F13A1: variants seen among roughly 807,000 people sequenced by gnomAD.
The protein encoded by F13A1 is coagulation factor XIII A chain, also known as FSF, A subunit.
F13A1 carries 47 observed loss-of-function variants against 80.1 expected under a neutral mutation model. The observed-to-expected ratio is 0.59, with a 90% CI of 0.46 to 0.75. The LOEUF (loss-of-function observed/expected upper bound fraction) is 0.75, where lower values mean the gene tolerates loss of function less well. F13A1 is among the 30% of genes least tolerant of loss of function. The probability of loss-of-function intolerance (pLI) is 0.00; values close to 1 mark genes in which losing one functional copy is unlikely to be tolerated. For synonymous variants in F13A1, 349 were observed against 344.9 expected (o/e 1.01, Z -0.13); for missense variants, 817 against 930.4 (o/e 0.88, Z 1.59).
chr6:6,181,119 C>T (rs928443691), intron 11 of F13A1, among the ~76,000 whole-genome samples: 1 of 152,150 alleles, frequency 6.6e-6, no homozygotes, highest in African/African-American at 2.4e-5. Flanking sequence ...CTAAACATAC[C>T]GGGCTGCTGC....
In F13A1 at chr6:6,162,544, C is replaced by T. The variant is rs529264055; in HGVS notation, c.1908+4914G>A. Among the ~76,000 whole-genome samples, 51 of 152,198 alleles carry T rather than the reference C, an allele frequency of 3.4e-4. No homozygotes were observed. The highest frequency in any genetic ancestry group is 6.2e-4 in the Non-Finnish European group (42 of 68,042). On this transcript the variant is annotated intron_variant, in intron 13 of 14. Coordinates refer to ENST00000264870, the MANE Select transcript of F13A1 (RefSeq NM_000129.4). This position sits in a 1 kb window ranked among gnomAD's most constrained non-coding sequence, Gnocchi z 4.2. ...TTGTGATAGTTCCATTGTAGCCCAG[C>T]GGCTGCCAGCACAGGCTTCCAAGTC...
intron 3 of F13A1, among the ~76,000 whole-genome samples, chr6:6,276,375 C>T (rs9405910): frequency 0.26 from 39,446 of 151,978 alleles, 5,452 homozygotes; most frequent in South Asian, 0.39. Context: ...CCTCCTCCTC[C>T]ATGTGCCTCC....
chr6:6,182,011 G>A lies in F13A1; in HGVS notation c.1436C>T (p.Thr479Ile). 1 of 1,614,186 alleles carries A rather than the reference G, an allele frequency of 6.2e-7. No individual in the cohort carries two copies. Among genetic ancestry groups the A allele is most frequent in the Non-Finnish European group, 8.5e-7 (1 of 1,180,006 alleles). The change falls in exon 11 of 15, where the codon ACT (threonine) becomes ATT (isoleucine). Residue 479 changes from threonine (T) to isoleucine (I), a missense_variant. Transcript: ENST00000264870. The part of the protein sequence containing the change: ...QIGGDGMMDI[T>I]DTYKFQEGQE... Reference sequence around the variant, plus strand: ...ACCTTCTTGGAATTTGTAAGTATCAGTAATATCCATCATGCCATCTCCTCC... The same window carrying A: ...ACCTTCTTGGAATTTGTAAGTATCAATAATATCCATCATGCCATCTCCTCC...
intron 3 of F13A1, among the ~76,000 whole-genome samples, chr6:6,299,099 G>A (rs1413792018): frequency 2.8e-5 from 4 of 143,716 alleles, no homozygotes; most frequent in South Asian, 2.2e-4. Context: ...TGGCTTGTAG[G>A]GTTTCTGCCG....
intron 5 of F13A1, among the ~76,000 whole-genome samples, chr6:6,248,678 G>A (rs1288102241): frequency 6.6e-6 from 1 of 152,146 alleles, no homozygotes; most frequent in Non-Finnish European, 1.5e-5. Context: ...TATACTCAGG[G>A]ATCATAAGCT....
At chr6:6,287,170 A>G (rs578090167) in intron 3 of F13A1, among the ~76,000 whole-genome samples, 33 of 152,244 alleles carry the variant, frequency 2.2e-4, no homozygotes, top group African/African-American at 7.7e-4. Flanking sequence ...CTCTTTTTAG[A>G]TTAGAGACTC....
chr6:6,154,915 G>T (rs1274902264), intron 13 of F13A1, among the ~76,000 whole-genome samples: 1 of 152,096 alleles, frequency 6.6e-6, no homozygotes, highest in Non-Finnish European at 1.5e-5. Context: ...TATTCTTTCT[G>T]GAAAAAATAT....
chr6:6,306,646 A>G (rs1376495516), intron 2 of F13A1, among the ~76,000 whole-genome samples: 1 of 151,952 alleles, frequency 6.6e-6, no homozygotes, highest in Non-Finnish European at 1.5e-5. Context: ...CATTGTAAAG[A>G]GTTATTGGGG....
At chr6:6,208,554 C>G (rs752685586) in intron 8 of F13A1, among the ~76,000 whole-genome samples, 15 of 152,220 alleles carry the variant, frequency 9.9e-5, no homozygotes, top group Non-Finnish European at 1.5e-4. Flanking sequence ...TGAAAAAGTT[C>G]AAAAACTCCA....
chr6:6,288,587 G>T (rs996748140), intron 3 of F13A1, among the ~76,000 whole-genome samples: 1 of 152,088 alleles, frequency 6.6e-6, no homozygotes, highest in Non-Finnish European at 1.5e-5. Context: ...TCATATCTTG[G>T]TTATTGTGAG....
At chr6:6,267,024 A>T (rs1227996560) in intron 3 of F13A1, among the ~76,000 whole-genome samples, 1 of 152,214 alleles carries the variant, frequency 6.6e-6, no homozygotes, top group Non-Finnish European at 1.5e-5. Context: ...GTTTTCTATA[A>T]AGCATGTAGA....
chr6:6,297,650 T>C (rs1385200870), intron 3 of F13A1, among the ~76,000 whole-genome samples: 1 of 149,644 alleles, frequency 6.7e-6, no homozygotes, highest in Admixed American at 6.6e-5. Context: ...TTTTCTTTAT[T>C]AGTCTTGTTA....
At chr6:6,178,053 G>C (rs966294595) in intron 11 of F13A1, among the ~76,000 whole-genome samples, 11 of 133,938 alleles carry the variant, frequency 8.2e-5, no homozygotes, top group East Asian at 5.1e-4. Flanking sequence ...GAGGGGGGGG[G>C]GGGTGGGGCT....
At chr6:6,207,465 G>A (rs1339432501) in intron 8 of F13A1, among the ~76,000 whole-genome samples, 2 of 152,144 alleles carry the variant, frequency 1.3e-5, no homozygotes, top group Non-Finnish European at 2.9e-5. Flanking sequence ...ACTAAAAAAG[G>A]GCTATCCAAA....
chr6:6,294,711 T>G (rs925338002), intron 3 of F13A1, among the ~76,000 whole-genome samples: 17 of 149,412 alleles, frequency 1.1e-4, no homozygotes, highest in African/African-American at 4.3e-4. Context: ...CTGGTAGAGA[T>G]TCTTTTTTTT....
At chr6:6,151,516 ACTGTGTAACTGAAC>A (rs543958457) in intron 14 of F13A1, among the ~76,000 whole-genome samples, 169 of 152,302 alleles carry the variant, frequency 1.1e-3, no homozygotes, top group Admixed American at 2.4e-3. Context: ...GTTTTCATAA[ACTGTGTAACTGAAC>A]CTGTGTAACC....
rs1439364396 is a variant in F13A1, at chr6:6,144,362, C to T, written c.*1257G>A. The T allele has an allele frequency of 6.6e-6, 1 of 152,068 alleles. No homozygotes were observed. Among genetic ancestry groups the T allele is most frequent in the East Asian group, 1.9e-4 (1 of 5,196 alleles). 9.4% of individuals were successfully genotyped at this position (152,068 alleles called of 1,614,324 possible). ...CCAGAGCATTCCATTCTGATTTTGCCCCCAGTATACTTATCACTGTTCATT... is the reference window on the plus strand; with the variant it reads ...CCAGAGCATTCCATTCTGATTTTGCTCCCAGTATACTTATCACTGTTCATT... On this transcript the variant is annotated 3_prime_UTR_variant, in exon 15 of 15. Transcript: ENST00000264870.
intron 13 of F13A1, 79 bp downstream of exon 13, chr6:6,167,377 CAT>C (rs1447407523): frequency 5.9e-6 from 8 of 1,360,050 alleles, no homozygotes; most frequent in African/African-American, 4.5e-5. Flanking sequence ...CACACACACA[CAT>C]ACAAGCACGC....
intron 7 of F13A1, among the ~76,000 whole-genome samples, chr6:6,224,478 C>T (rs1757247507): frequency 6.6e-6 from 1 of 152,050 alleles, no homozygotes; most frequent in South Asian, 2.1e-4. Context: ...ATCATTCTTT[C>T]TATAAAGATT....
Sources: allele counts gnomAD v4.1 joint callset (sites outside exome capture counted in the v4.1 genomes callset), GRCh38; gene constraint gnomAD v4.1.1; non-coding constraint Gnocchi (gnomAD v3.1); transcripts MANE v1.5; gene names NCBI Gene and HGNC (gene_info 2026-07-23, HGNC 2026-07-21).